Variants in SATB2 observed in about 807,000 individuals in gnomAD.
SATB2 encodes the protein SATB homeobox 2.
SATB2 carries 1 observed loss-of-function variant against 73.4 expected under a neutral mutation model. The observed-to-expected ratio is 0.01, with a 90% CI of 0.00 to 0.06. The LOEUF (loss-of-function observed/expected upper bound fraction) is 0.06. Among genes scored for constraint, SATB2 ranks in the 10% least tolerant of loss-of-function variants. The probability of loss-of-function intolerance (pLI) is 1.00; values close to 1 mark genes in which losing one functional copy is unlikely to be tolerated. For synonymous variants in SATB2, 397 were observed against 367.0 expected (o/e 1.08, Z -0.93); for missense variants, 459 against 945.8 (o/e 0.49, Z 6.75).
intron 9 of SATB2, among the ~76,000 whole-genome samples, chr2:199,315,961 C>T (rs1687721673): frequency 6.6e-6 from 1 of 152,094 alleles, no homozygotes; most frequent in Non-Finnish European, 1.5e-5. Context: ...GAGAATGACT[C>T]ATAGATTCTT....
intron 3 of SATB2, among the ~76,000 whole-genome samples, chr2:199,404,900 A>G (rs779207524): frequency 9.9e-5 from 15 of 152,208 alleles, no homozygotes; most frequent in Non-Finnish European, 1.8e-4. Context: ...GCAAATCTCC[A>G]TATCTTAATA....
At chr2:199,445,783 T>A (rs913133865) in intron 2 of SATB2, among the ~76,000 whole-genome samples, 3 of 152,176 alleles carry the variant, frequency 2.0e-5, no homozygotes, top group East Asian at 1.9e-4. Flanking sequence ...GGTGTTCTAA[T>A]ACCACATTTC....
intron 9 of SATB2, among the ~76,000 whole-genome samples, chr2:199,319,015 T>G (rs1186946144): frequency 1.3e-5 from 2 of 151,658 alleles, no homozygotes; most frequent in Non-Finnish European, 2.9e-5. Flanking sequence ...TTTTTTTTTT[T>G]GTAGAAACAT....
intron 6 of SATB2, among the ~76,000 whole-genome samples, chr2:199,359,403 A>G (rs1309162818): frequency 1.3e-5 from 2 of 152,218 alleles, no homozygotes; most frequent in African/African-American, 4.8e-5. Flanking sequence ...TTAAGTCTTT[A>G]GCTCAATAAC....
intron 3 of SATB2, among the ~76,000 whole-genome samples, chr2:199,421,829 G>A (rs1030258521): frequency 6.6e-6 from 1 of 152,078 alleles, no homozygotes; most frequent in African/African-American, 2.4e-5. Flanking sequence ...GAACATTAAT[G>A]TCAAAAAAGT....
chr2:199,367,002 C>A (rs1009845815), intron 6 of SATB2, among the ~76,000 whole-genome samples: 1 of 152,090 alleles, frequency 6.6e-6, no homozygotes, highest in Non-Finnish European at 1.5e-5. Flanking sequence ...TCTGGAATTA[C>A]ACTCCAGCCT....
intron 1 of SATB2, among the ~76,000 whole-genome samples, chr2:199,456,884 C>G (rs1692293540): frequency 6.7e-6 from 1 of 150,184 alleles, no homozygotes; most frequent in Admixed American, 6.7e-5. Flanking sequence ...CCAATTTTAA[C>G]ATCGCTCCAG....
chr2:199,462,284 C>T (rs1346559405), upstream of SATB2, among the ~76,000 whole-genome samples: 2 of 152,136 alleles, frequency 1.3e-5, no homozygotes, highest in Non-Finnish European at 2.9e-5. This position sits in a 1 kb window ranked among gnomAD's most constrained non-coding sequence, Gnocchi z 5.9. Flanking sequence ...GGGAGGGAAT[C>T]ATTTCTTTCA....
intron 9 of SATB2, among the ~76,000 whole-genome samples, chr2:199,316,237 A>T (rs1293967768): frequency 7.0e-6 from 1 of 143,750 alleles, no homozygotes; most frequent in East Asian, 1.9e-4. Flanking sequence ...TTCGTCACCG[A>T]ATTCTCTTTT....
rs1382324870 is a variant in SATB2 at position 199,463,820 on chromosome 2, C to T, written c.-141+1016G>A. On this transcript the variant is annotated intron_variant, in intron 1 of 11. Transcript: ENST00000260926. This position sits in a 1 kb window ranked among gnomAD's most constrained non-coding sequence, Gnocchi z 6.4. ...GGAAAGCCCAAGATAGCACCCGGTC[C>T]GCACCCCAAATTTCAGGCAGGCCAG... 6.6e-6 allele frequency among the ~76,000 whole-genome samples: 1 copy of T among 152,194 alleles called. No homozygotes were observed. The highest frequency in any genetic ancestry group is 1.9e-4 in the East Asian group (1 of 5,180).
chr2:199,438,513 C>T (rs1447092794), intron 2 of SATB2, among the ~76,000 whole-genome samples: 2 of 152,186 alleles, frequency 1.3e-5, no homozygotes, highest in African/African-American at 4.8e-5. Context: ...ATTAATCCAA[C>T]TTCTTTTATT....
chr2:199,466,833 T>A (rs1338183586), upstream of SATB2, among the ~76,000 whole-genome samples: 1 of 152,272 alleles, frequency 6.6e-6, no homozygotes, highest in Non-Finnish European at 1.5e-5. Context: ...TTTCCTTTTT[T>A]AAGAATGTTC....
At position 199,281,286 on chromosome 2, in the gene SATB2, A is replaced by G. The variant is rs560426346; in HGVS notation, c.1741-8614T>C. Among the ~76,000 whole-genome samples the G allele has an allele frequency of 6.4e-3, 963 of 151,234 alleles. 5 individuals carry two copies. The highest frequency in any genetic ancestry group is 0.044 in the Middle Eastern group (13 of 294). Reference sequence around the variant, plus strand: ...TGTATGTGTGTGTGTGTGTGTGTGTATATATACATATATATGAGAAATCAT... The same window carrying G: ...TGTATGTGTGTGTGTGTGTGTGTGTGTATATACATATATATGAGAAATCAT... On this transcript the variant is annotated intron_variant, in intron 10 of 10. Coordinates refer to ENST00000417098, the MANE Select transcript of SATB2 (RefSeq NM_001172509.2).
intron 3 of SATB2, among the ~76,000 whole-genome samples, chr2:199,427,339 A>C (rs1455812731): frequency 6.6e-6 from 1 of 152,208 alleles, no homozygotes; most frequent in East Asian, 1.9e-4. Flanking sequence ...ATTCAAAAAA[A>C]AAATTAAGGG....
rs113029233 is a variant in SATB2, at chr2:199,464,932, G to C, written c.-237C>G. ...CGCTGGCTGCTCACCTCCAGGAGCC[G>C]ACAGAAGGTGCCTTCGGCGTCACGC... On this transcript the variant is annotated 5_prime_UTR_variant, in exon 1 of 12. Coordinates refer to the SATB2 transcript ENST00000260926. The surrounding 1 kb of genome is among the most constrained non-coding windows in gnomAD (Gnocchi z 6.6). 1 of 152,274 alleles carries C rather than the reference G, an allele frequency of 6.6e-6. No individual in the cohort carries two copies. The highest frequency in any genetic ancestry group is 2.1e-4 in the South Asian group (1 of 4,836). The allele number at this position is 152,274 out of a possible 1,614,324, so 9.4% of individuals were successfully genotyped here.
At chr2:199,332,618 AT>A (rs1224258805) in intron 7 of SATB2, among the ~76,000 whole-genome samples, 3 of 152,080 alleles carry the variant, frequency 2.0e-5, no homozygotes, top group African/African-American at 4.8e-5. Flanking sequence ...TAATGCCCTT[AT>A]TTTTTTCTAG....
intron 10 of SATB2, among the ~76,000 whole-genome samples, chr2:199,303,489 T>C (rs1451064620): frequency 6.6e-6 from 1 of 152,136 alleles, no homozygotes; most frequent in African/African-American, 2.4e-5. Flanking sequence ...CTAATGATTT[T>C]TTATCTTTCA....
chr2:199,466,128 C>G (rs1007404827), upstream of SATB2, among the ~76,000 whole-genome samples: 1 of 152,090 alleles, frequency 6.6e-6, no homozygotes, highest in Non-Finnish European at 1.5e-5. Flanking sequence ...TCCGGAGACC[C>G]GGAGTTACTT....
chr2:199,458,926 G>T (rs1692391657), upstream of SATB2, among the ~76,000 whole-genome samples: 2 of 152,078 alleles, frequency 1.3e-5, no homozygotes, highest in African/African-American at 2.4e-5. Flanking sequence ...CGCGAGTCCG[G>T]AACAATAGTC....
Sources: allele counts gnomAD v4.1 joint callset (sites outside exome capture counted in the v4.1 genomes callset), GRCh38; gene constraint gnomAD v4.1.1; non-coding constraint Gnocchi (gnomAD v3.1); transcripts MANE v1.5; gene names NCBI Gene and HGNC (gene_info 2026-07-23, HGNC 2026-07-21).